The following BCAS1 variants were observed in gnomAD, a reference collection of about 807,000 sequenced individuals.
BCAS1 encodes breast carcinoma-amplified sequence 1.
BCAS1 carries 46 observed loss-of-function variants against 65.4 expected under a neutral mutation model. The ratio of observed to expected loss-of-function variants is 0.70; its 90% CI spans 0.55 to 0.90. The LOEUF is 0.90. Among genes scored for constraint, BCAS1 ranks in the 40% least tolerant of loss-of-function variants. BCAS1 has a pLI of 0.00. For synonymous variants in BCAS1, 298 were observed against 293.5 expected (o/e 1.02, Z -0.16); for missense variants, 793 against 771.2 (o/e 1.03, Z -0.33).
At chr20:54,067,000 G>C (rs985569876) in intron 1 of BCAS1, among the ~76,000 whole-genome samples, 19 of 152,142 alleles carry the variant, frequency 1.2e-4, no homozygotes, top group African/African-American at 4.6e-4. Flanking sequence ...AATAGAACAT[G>C]GAATAGAAAA....
intron 8 of BCAS1, among the ~76,000 whole-genome samples, chr20:53,979,248 G>A (rs2090416240): frequency 6.6e-6 from 1 of 152,154 alleles, no homozygotes; most frequent in Admixed American, 6.5e-5. Context: ...TCAAGAAATG[G>A]ACCCTAGCAA....
intron 4 of BCAS1, among the ~76,000 whole-genome samples, chr20:54,006,752 T>C (rs991573298): frequency 1.3e-5 from 2 of 151,410 alleles, no homozygotes; most frequent in African/African-American, 4.9e-5. Flanking sequence ...GACTTTTGAA[T>C]CACAGCAAGT....
chr20:53,990,282 G>A (rs1407684909), intron 7 of BCAS1, among the ~76,000 whole-genome samples: 2 of 152,142 alleles, frequency 1.3e-5, no homozygotes, highest in Non-Finnish European at 2.9e-5. Context: ...TCTGTTTTGT[G>A]TCTAAAGTTG....
intron 3 of BCAS1, among the ~76,000 whole-genome samples, chr20:54,046,002 A>G (rs1398100466): frequency 6.6e-6 from 1 of 152,236 alleles, no homozygotes; most frequent in Non-Finnish European, 1.5e-5. Flanking sequence ...ATGAGGAAGA[A>G]GCCAATAAGA....
intron 3 of BCAS1, among the ~76,000 whole-genome samples, chr20:54,040,561 A>G (rs2091972099): frequency 6.6e-6 from 1 of 151,388 alleles, no homozygotes; most frequent in African/African-American, 2.4e-5. Flanking sequence ...TCTTTGGAGC[A>G]GATATACTAA....
At chr20:54,007,631 T>G (rs1490827338) in intron 4 of BCAS1, among the ~76,000 whole-genome samples, 1 of 152,138 alleles carries the variant, frequency 6.6e-6, no homozygotes, top group Non-Finnish European at 1.5e-5. Context: ...GGGCAAGGAG[T>G]AGGTTTGCCT....
intron 3 of BCAS1, among the ~76,000 whole-genome samples, chr20:54,034,704 T>C (rs762315321): frequency 5.3e-5 from 8 of 151,326 alleles, no homozygotes; most frequent in African/African-American, 1.7e-4. Flanking sequence ...AATGGCCATA[T>C]TGCCCAGAGC....
chr20:54,016,173 C>T (rs919422353), intron 4 of BCAS1, among the ~76,000 whole-genome samples: 4 of 152,144 alleles, frequency 2.6e-5, no homozygotes, highest in Admixed American at 6.5e-5. Context: ...ATGTCACCCT[C>T]GTTTACGGTG....
chr20:53,953,565 T>C lies in BCAS1; in HGVS notation c.1682A>G (p.Lys561Arg), dbSNP rs1281520879. ...CTGGGCTGGTTCTTTGGCTTCCTGC[T>C]TGTTGCTCTTCTGCTTGTTCATCTC... Reference protein sequence around the residue: ...AAEMNKQKSNKQEAKEPAQCT... With the variant: ...AAEMNKQKSNRQEAKEPAQCT... The change falls in exon 12 of 13, where the codon AAG becomes AGG. Residue 561 changes from lysine to arginine, a missense_variant. Coordinates refer to ENST00000688948, the MANE Select transcript of BCAS1 (RefSeq NM_001366298.2). 1.2e-6 allele frequency: 2 copies of C among 1,613,960 alleles called. No individual in the cohort carries two copies. The highest frequency in any genetic ancestry group is 1.3e-5 in the African/African-American group (1 of 74,986).
chr20:54,069,554 A>G (rs772775432), intron 1 of BCAS1, among the ~76,000 whole-genome samples: 1 of 152,104 alleles, frequency 6.6e-6, no homozygotes, highest in Non-Finnish European at 1.5e-5. Context: ...TTTCCATGAG[A>G]CCTGGAACCA....
At chr20:54,061,847 A>G (rs904522492) in intron 1 of BCAS1, among the ~76,000 whole-genome samples, 10 of 152,232 alleles carry the variant, frequency 6.6e-5, no homozygotes, top group African/African-American at 2.2e-4. Context: ...CATTATGAAT[A>G]ATATAATATT....
At chr20:54,005,754 C>T (rs2091172233) in intron 4 of BCAS1, among the ~76,000 whole-genome samples, 1 of 152,106 alleles carries the variant, frequency 6.6e-6, no homozygotes, top group African/African-American at 2.4e-5. Flanking sequence ...TTCCCCAAGG[C>T]CATGGAGCAT....
At chr20:54,051,416 G>T (rs539839383) in intron 3 of BCAS1, among the ~76,000 whole-genome samples, 4 of 152,246 alleles carry the variant, frequency 2.6e-5, no homozygotes, top group Middle Eastern at 3.4e-3. Context: ...CACATGTATT[G>T]GGGGGAGGTG....
intron 4 of BCAS1, among the ~76,000 whole-genome samples, chr20:54,006,546 T>C (rs1037608291): frequency 7.9e-5 from 12 of 151,908 alleles, no homozygotes; most frequent in African/African-American, 2.9e-4. Context: ...CCCGCCTCTA[T>C]TAAAAATACA....
chr20:54,010,811 A>C (rs1357686898), intron 4 of BCAS1, among the ~76,000 whole-genome samples: 2 of 152,218 alleles, frequency 1.3e-5, no homozygotes, highest in South Asian at 4.1e-4. Context: ...AAATTGATGA[A>C]TCAGTCTATC....
At position 54,028,449 on chromosome 20, in the gene BCAS1, G is replaced by A; in HGVS notation, c.666C>T (p.Asp222=). ...QQEAKRAEHQ[D]KVDEVPGLSG... is the part of the protein sequence containing the mutation. ...ATAAGCCAGGAACCTCATCCACCTT[G>A]TCTTGATGCTCTGCCCTCTTGGCTT... The change falls in exon 4 of 13, where the codon GAC becomes GAT. Residue 222 remains aspartate (D), a synonymous_variant. Coordinates refer to ENST00000688948, the MANE Select transcript of BCAS1 (RefSeq NM_001366298.2). 1 of 1,614,210 alleles carries A rather than the reference G, an allele frequency of 6.2e-7. No individual in the cohort carries two copies. Among genetic ancestry groups the A allele is most frequent in the Non-Finnish European group, 8.5e-7 (1 of 1,180,034 alleles).
At chr20:54,015,360 C>T (rs1322507038) in intron 4 of BCAS1, among the ~76,000 whole-genome samples, 1 of 151,982 alleles carries the variant, frequency 6.6e-6, no homozygotes, top group Non-Finnish European at 1.5e-5. Flanking sequence ...TGTTTTACTA[C>T]AGTGCTCAAA....
intron 4 of BCAS1, among the ~76,000 whole-genome samples, chr20:54,005,137 T>C (rs1276248984): frequency 6.6e-6 from 1 of 152,110 alleles, no homozygotes; most frequent in Non-Finnish European, 1.5e-5. Context: ...TAAAGGTCAG[T>C]AGATAGGGAC....
chr20:53,998,255 C>CACTGAGATACA (rs2090969633), intron 4 of BCAS1, among the ~76,000 whole-genome samples: 1 of 152,186 alleles, frequency 6.6e-6, no homozygotes, highest in South Asian at 2.1e-4. Flanking sequence ...CAATTCAACT[C>CACTGAGATACA]ATTTTAATGG....
Sources: allele counts gnomAD v4.1 joint callset (sites outside exome capture counted in the v4.1 genomes callset), GRCh38; gene constraint gnomAD v4.1.1; transcripts MANE v1.5; gene names NCBI Gene and HGNC (gene_info 2026-07-23, HGNC 2026-07-21).